NDUFAF2: variants seen among roughly 807,000 people sequenced by gnomAD.
The protein encoded by NDUFAF2 is NADH:ubiquinone oxidoreductase complex assembly factor 2, also known as NADH dehydrogenase [ubiquinone] 1 alpha subcomplex assembly factor 2.
NDUFAF2 carries 13 observed loss-of-function variants against 22.8 expected under a neutral mutation model. The observed-to-expected ratio is 0.57, with a 90% confidence interval of 0.37 to 0.91. NDUFAF2 has a LOEUF of 0.91. Ranked by LOEUF, NDUFAF2 falls within the 40% of genes least tolerant of loss-of-function variation. The probability of loss-of-function intolerance (pLI) is 0.01; values close to 1 mark genes in which losing one functional copy is unlikely to be tolerated. For synonymous variants in NDUFAF2, 53 were observed against 64.2 expected, an observed-to-expected ratio of 0.83 and a Z score of 0.84; for missense variants, 162 against 195.2, an observed-to-expected ratio of 0.83 and a Z score of 1.01.
intron 1 of NDUFAF2, among the ~76,000 whole-genome samples, chr5:60,974,242 C>T (rs193245986): frequency 7.9e-5 from 12 of 152,268 alleles, no homozygotes; most frequent in East Asian, 7.8e-4. Context: ...TCTCCTATGC[C>T]GGACGCTTCC....
At chr5:61,047,489 G>A (rs771433346) in intron 1 of NDUFAF2, among the ~76,000 whole-genome samples, 11 of 152,118 alleles carry the variant, frequency 7.2e-5, no homozygotes, top group Non-Finnish European at 1.6e-4. Flanking sequence ...GCATTCCCAG[G>A]AAATATTAGC....
At chr5:61,087,789 T>C (rs1254178187) in intron 2 of NDUFAF2, among the ~76,000 whole-genome samples, 1 of 152,154 alleles carries the variant, frequency 6.6e-6, no homozygotes, top group East Asian at 1.9e-4. Context: ...AAACAAATTG[T>C]CATACTTCCA....
intron 3 of NDUFAF2, among the ~76,000 whole-genome samples, chr5:61,146,638 T>G (rs1741142169): frequency 6.6e-6 from 1 of 152,198 alleles, no homozygotes; most frequent in African/African-American, 2.4e-5. Context: ...GATTTTATCA[T>G]TAGTATTTAG....
chr5:61,137,255 G>A (rs1050844770), intron 3 of NDUFAF2, among the ~76,000 whole-genome samples: 3 of 152,010 alleles, frequency 2.0e-5, no homozygotes, highest in Non-Finnish European at 4.4e-5. Context: ...TTCCAGCACT[G>A]GCCTCTCTCT....
chr5:61,007,295 A>G (rs1212643263), intron 1 of NDUFAF2, among the ~76,000 whole-genome samples: 4 of 151,932 alleles, frequency 2.6e-5, no homozygotes. Flanking sequence ...ATTTTTGTAT[A>G]AGGTGTAAGG....
At chr5:60,954,907 CT>C (rs1750596103) in intron 1 of NDUFAF2, among the ~76,000 whole-genome samples, 1 of 152,078 alleles carries the variant, frequency 6.6e-6, no homozygotes, top group Non-Finnish European at 1.5e-5. Context: ...CTGTTAGTTC[CT>C]TTGCCCATTT....
chr5:61,028,098 T>C (rs1751674995), intron 1 of NDUFAF2, among the ~76,000 whole-genome samples: 1 of 152,046 alleles, frequency 6.6e-6, no homozygotes, highest in African/African-American at 2.4e-5. Flanking sequence ...GGTAAAAGGC[T>C]AGAATGTGAC....
intron 3 of NDUFAF2, among the ~76,000 whole-genome samples, chr5:61,125,295 C>T (rs1753023218): frequency 6.6e-6 from 1 of 152,038 alleles, no homozygotes; most frequent in Non-Finnish European, 1.5e-5. Context: ...TAGTTTCCAT[C>T]ACTGAATATT....
chr5:61,023,954 G>A (rs186669400), intron 1 of NDUFAF2, among the ~76,000 whole-genome samples: 11 of 152,240 alleles, frequency 7.2e-5, no homozygotes, highest in Admixed American at 3.9e-4. Flanking sequence ...TTGAAACCCC[G>A]GGGATTGCTA....
At chr5:61,073,949 A>G (rs563403221) in intron 2 of NDUFAF2, among the ~76,000 whole-genome samples, 3 of 152,362 alleles carry the variant, frequency 2.0e-5, no homozygotes, top group African/African-American at 7.2e-5. Context: ...CTAGTTCACA[A>G]TGAGAAGTAC....
intron 1 of NDUFAF2, among the ~76,000 whole-genome samples, chr5:61,018,017 G>A (rs1229856758): frequency 6.6e-6 from 1 of 152,146 alleles, no homozygotes. Flanking sequence ...CTCCCAGAGT[G>A]CTGGGATTAC....
chr5:61,148,444 T>C (rs13163684), intron 3 of NDUFAF2, among the ~76,000 whole-genome samples: 14,296 of 152,242 alleles, frequency 0.094, 870 homozygotes, highest in South Asian at 0.18. Flanking sequence ...TCTCTACCCA[T>C]TTCAGAGAGA....
chr5:60,946,533 C>G (rs1459397185), intron 1 of NDUFAF2, among the ~76,000 whole-genome samples: 1 of 152,138 alleles, frequency 6.6e-6, no homozygotes, highest in East Asian at 1.9e-4. Flanking sequence ...AGAAAAAAGC[C>G]TGCAAAGAAC....
intron 1 of NDUFAF2, among the ~76,000 whole-genome samples, chr5:60,945,974 C>A (rs189705435): frequency 6.6e-6 from 1 of 152,282 alleles, no homozygotes; most frequent in Non-Finnish European, 1.5e-5. Context: ...TCCATATCCC[C>A]ACAAGGCTCG....
At chr5:60,967,286 C>G (rs1055682614) in intron 1 of NDUFAF2, among the ~76,000 whole-genome samples, 4 of 151,904 alleles carry the variant, frequency 2.6e-5, no homozygotes, top group Admixed American at 2.6e-4. Context: ...TGTCTGTTAA[C>G]AGATACAGTG....
intron 1 of NDUFAF2, among the ~76,000 whole-genome samples, chr5:61,009,389 C>G (rs1450425751): frequency 6.6e-6 from 1 of 152,032 alleles, no homozygotes; most frequent in African/African-American, 2.4e-5. Flanking sequence ...GTAACATCTC[C>G]TAATCTCACC....
chr5:61,053,748 G>A (rs1027013577), intron 1 of NDUFAF2, among the ~76,000 whole-genome samples: 1 of 152,028 alleles, frequency 6.6e-6, no homozygotes, highest in African/African-American at 2.4e-5. Context: ...AAACAATAAA[G>A]AATAGACATC....
intron 1 of NDUFAF2, 173 bp downstream of exon 1, chr5:60,945,555 C>A: frequency 1.0e-6 from 1 of 985,118 alleles, no homozygotes; most frequent in Non-Finnish European, 1.5e-6. Context: ...GGCATCGGAG[C>A]CCTACCCGGC....
chr5:60,984,998 A>G (rs1467504675), intron 1 of NDUFAF2, among the ~76,000 whole-genome samples: 1 of 152,200 alleles, frequency 6.6e-6, no homozygotes, highest in Non-Finnish European at 1.5e-5. Flanking sequence ...CCTCTGGTAG[A>G]ATTCGGCTGT....
Sources: gnomAD v4.1 joint callset for allele counts (sites outside exome capture counted in the v4.1 genomes callset) on GRCh38, gnomAD v4.1.1 for gene constraint, MANE v1.5 for transcripts, NCBI Gene and HGNC (gene_info 2026-07-23, HGNC 2026-07-21) for gene names.